Variants in FRMPD4 observed in about 807,000 individuals in gnomAD.
The protein encoded by FRMPD4 is FERM and PDZ domain-containing protein 4.
In FRMPD4, 22 loss-of-function variants were observed where a neutral mutation model predicts 94.1. That is an observed-to-expected ratio of 0.23 (90% CI 0.17 to 0.33). FRMPD4 has a LOEUF of 0.33. FRMPD4 is among the 10% of genes least tolerant of loss of function. The pLI, the probability that FRMPD4 is intolerant of heterozygous loss-of-function variation, is 1.00. For synonymous variants in FRMPD4, 631 were observed against 548.6 expected (o/e 1.15, Z -2.10); for missense variants, 1,111 against 1,339.9 (o/e 0.83, Z 2.67).
Position 12,721,542 on chromosome X carries a change from G to C in FRMPD4, c.4973G>C (p.Arg1658Thr). The change falls in exon 17 of 17, where the codon AGG becomes ACG. Residue 1658 changes from arginine (R) to threonine (T), a missense_variant. Coordinates refer to ENST00000675598, the MANE Select transcript of FRMPD4 (RefSeq NM_001368397.1). ...IESRQLGSAC[R>T]KMAMAEKSPE... ...TCCAGACAGTTGGGAAGTGCCTGTAGGAAAATGGCGATGGCTGAGAAAAGC... is the reference window on the plus strand; with the variant it reads ...TCCAGACAGTTGGGAAGTGCCTGTACGAAAATGGCGATGGCTGAGAAAAGC... 2.7e-6 allele frequency: 2 copies of C among 754,344 alleles called. No homozygotes were observed. The highest frequency in any genetic ancestry group is 3.1e-6 in the Non-Finnish European group (2 of 637,885). The allele number at this position is 754,344 out of a possible 1,213,427, so 62.2% of individuals were successfully genotyped here.
At chrX:11,949,720 A>C (rs1477932097) in intron 3 of FRMPD4, among the ~76,000 whole-genome samples, 1 of 111,395 alleles carries the variant, frequency 9.0e-6, no homozygotes, top group Non-Finnish European at 1.9e-5. Context: ...GGTGGTGATC[A>C]CACTGACCCA....
At chrX:11,925,919 T>C (rs1246054139) in intron 3 of FRMPD4, among the ~76,000 whole-genome samples, 1 of 111,236 alleles carries the variant, frequency 9.0e-6, no homozygotes, top group Non-Finnish European at 1.9e-5. Context: ...TATTGAGACA[T>C]GAAAAACCAT....
intron 1 of FRMPD4, among the ~76,000 whole-genome samples, chrX:12,460,110 G>A (rs1226677642): frequency 9.0e-6 from 1 of 111,673 alleles, no homozygotes; most frequent in Non-Finnish European, 1.9e-5. Flanking sequence ...TTTAAAATTG[G>A]GTTGTCTTCA....
At chrX:12,005,666 C>T (rs1406711460) in intron 3 of FRMPD4, among the ~76,000 whole-genome samples, 2 of 112,893 alleles carry the variant, frequency 1.8e-5, no homozygotes, top group African/African-American at 3.2e-5. Flanking sequence ...TCTTTCTGAG[C>T]GCCACAGAGA....
At chrX:12,176,447 C>T (rs1003054393) in intron 1 of FRMPD4, among the ~76,000 whole-genome samples, 1 of 111,158 alleles carries the variant, frequency 9.0e-6, no homozygotes, top group East Asian at 2.8e-4. Flanking sequence ...TTATTGTGGC[C>T]GTATTTCCCC....
Position 12,312,980 on chromosome X carries a change from G to A in FRMPD4, c.41+173968G>A, listed in dbSNP as rs767083962. On this transcript the variant is annotated intron_variant, in intron 1 of 16. Transcript: ENST00000675598. Reference sequence around the variant, plus strand: ...ATGTCAGGGAAGACTATGGGGGAGCGATGGATGGAGAATGAGGGAGATCAT... The same window carrying A: ...ATGTCAGGGAAGACTATGGGGGAGCAATGGATGGAGAATGAGGGAGATCAT... Among the ~76,000 whole-genome samples, 9 of 111,476 alleles carry A rather than the reference G, an allele frequency of 8.1e-5. No individual in the cohort carries two copies. The East Asian group carries it at 2.5e-3, about 32-fold the overall frequency.
In FRMPD4 at chrX:12,245,610, T is replaced by A. The variant is rs555334859; in HGVS notation, c.41+106598T>A. Reference sequence around the variant, plus strand: ...CCACCTCCAAAGCTCATGTTGAAATTCAATTGCTATTGTGATGGTATTAAG... The same window carrying A: ...CCACCTCCAAAGCTCATGTTGAAATACAATTGCTATTGTGATGGTATTAAG... On this transcript the variant is annotated intron_variant, in intron 1 of 16. Transcript: ENST00000675598. Among the ~76,000 whole-genome samples, 29 of 107,566 alleles carry A rather than the reference T, an allele frequency of 2.7e-4. No individual in the cohort carries two copies. The East Asian group carries it at 8.5e-3, about 32-fold the overall frequency. The allele number at this position is 107,566 out of a possible 115,157, so 93.4% of individuals were successfully genotyped here.
intron 1 of FRMPD4, among the ~76,000 whole-genome samples, chrX:12,209,535 T>G (rs2056732328): frequency 8.9e-6 from 1 of 112,189 alleles, no homozygotes. Context: ...CTTTTTTCAC[T>G]GCAAAGTGTT....
chrX:12,300,258 G>A (rs1030184952), intron 1 of FRMPD4, among the ~76,000 whole-genome samples: 1 of 111,904 alleles, frequency 8.9e-6, no homozygotes, highest in African/African-American at 3.2e-5. Flanking sequence ...GACAATGGAA[G>A]GTGGGAAGGG....
At chrX:12,476,159 A>G (rs1444227702) in intron 1 of FRMPD4, among the ~76,000 whole-genome samples, 1 of 111,595 alleles carries the variant, frequency 9.0e-6, no homozygotes, top group Non-Finnish European at 1.9e-5. Context: ...AAATAATGCC[A>G]CATATCTACA....
intron 2 of FRMPD4, among the ~76,000 whole-genome samples, chrX:11,874,323 A>C (rs756043935): frequency 9.0e-6 from 1 of 110,862 alleles, no homozygotes; most frequent in Non-Finnish European, 1.9e-5. Context: ...CTAGTTTTTT[A>C]AATTTTTGTA....
chrX:12,370,497 G>T (rs1286942058), intron 1 of FRMPD4, among the ~76,000 whole-genome samples: 1 of 111,754 alleles, frequency 8.9e-6, no homozygotes, highest in East Asian at 2.8e-4. Context: ...GAGGAGAAAA[G>T]CTTGCTGGGG....
In FRMPD4 at chrX:12,108,479, G is replaced by A. The variant is rs758814271; in HGVS notation, c.95+230461G>A. 1.1e-3 allele frequency among the ~76,000 whole-genome samples: 123 copies of A among 112,335 alleles called. 1 individual carries two copies. Among genetic ancestry groups the A allele is most frequent in the African/African-American group, 3.7e-3 (116 of 30,944 alleles). On this transcript the variant is annotated intron_variant, in intron 3 of 18. Transcript: ENST00000640291. ...AGCCACTGCAAAAACATGCCAAATT[G>A]TAAAGACCATCAATGCTAGGAAGAA...
intron 1 of FRMPD4, among the ~76,000 whole-genome samples, chrX:12,440,499 GA>G (rs1438280755): frequency 9.0e-6 from 1 of 111,527 alleles, no homozygotes. Context: ...GGATGTGAGT[GA>G]CCTGGCAGAT....
At chrX:12,627,363 A>G (rs1569372827) in intron 4 of FRMPD4, among the ~76,000 whole-genome samples, 1 of 112,413 alleles carries the variant, frequency 8.9e-6, no homozygotes, top group Non-Finnish European at 1.9e-5. Context: ...GTAATATAAT[A>G]AGGCCTTATT....
chrX:11,931,569 T>A (rs1394661064), intron 3 of FRMPD4, among the ~76,000 whole-genome samples: 1 of 112,033 alleles, frequency 8.9e-6, no homozygotes. Flanking sequence ...ATGTGAGAGT[T>A]CCAAGAGAGA....
At chrX:12,442,509 T>C (rs764235864) in intron 1 of FRMPD4, among the ~76,000 whole-genome samples, 56 of 111,905 alleles carry the variant, frequency 5.0e-4, no homozygotes, top group Non-Finnish European at 9.6e-4. Flanking sequence ...AAAAACAAAA[T>C]GCAACCAAAA....
chrX:12,438,389 G>T (rs759961263), intron 1 of FRMPD4, among the ~76,000 whole-genome samples: 3 of 107,726 alleles, frequency 2.8e-5, no homozygotes, highest in African/African-American at 1.0e-4. Flanking sequence ...AATGCAATTT[G>T]GGCAATACTA....
At chrX:12,425,465 G>A (rs1049675051) in intron 1 of FRMPD4, among the ~76,000 whole-genome samples, 1 of 112,104 alleles carries the variant, frequency 8.9e-6, no homozygotes, top group Non-Finnish European at 1.9e-5. Context: ...TTACATTATA[G>A]ATACAAAGTA....
Sources: allele counts gnomAD v4.1 joint callset (sites outside exome capture counted in the v4.1 genomes callset), GRCh38; gene constraint gnomAD v4.1.1; transcripts MANE v1.5; gene names NCBI Gene and HGNC (gene_info 2026-07-23, HGNC 2026-07-21).